MGAT4C: variants seen among roughly 807,000 people sequenced by gnomAD.
The protein encoded by MGAT4C is MGAT4 family member C.
Under a neutral mutation model 40.1 loss-of-function variants are expected in MGAT4C, and 19 were observed. The ratio of observed to expected loss-of-function variants is 0.47; its 90% CI spans 0.33 to 0.70. MGAT4C has a LOEUF of 0.70. Among genes scored for constraint, MGAT4C ranks in the 30% least tolerant of loss-of-function variants. The probability of loss-of-function intolerance (pLI) is 0.02; values close to 1 mark genes in which losing one functional copy is unlikely to be tolerated. For missense variants in MGAT4C, 491 were observed against 563.2 expected (o/e 0.87, Z 1.30); for synonymous variants, 181 against 187.1 (o/e 0.97, Z 0.27).
intron 2 of MGAT4C, among the ~76,000 whole-genome samples, chr12:86,520,534 A>G (rs114212709): frequency 0.023 from 3,516 of 152,264 alleles, 120 homozygotes; most frequent in African/African-American, 0.08. Context: ...TGCAATGAAC[A>G]TATGTGTGCA....
intron 1 of MGAT4C, among the ~76,000 whole-genome samples, chr12:86,243,642 G>A (rs75990784): frequency 6.6e-6 from 1 of 152,248 alleles, no homozygotes; most frequent in East Asian, 1.9e-4. Flanking sequence ...GATTCTGAGG[G>A]TGGTATCCTA....
intron 1 of MGAT4C, among the ~76,000 whole-genome samples, chr12:86,178,342 A>G (rs1301994412): frequency 6.6e-6 from 1 of 152,192 alleles, no homozygotes; most frequent in South Asian, 2.1e-4. Flanking sequence ...TTAAGTTGAT[A>G]ATTTGCATAG....
intron 1 of MGAT4C, among the ~76,000 whole-genome samples, chr12:86,110,828 T>C (rs893936731): frequency 5.9e-5 from 9 of 151,788 alleles, no homozygotes; most frequent in Middle Eastern, 6.8e-3. Context: ...TACATACTAA[T>C]ATTAATTTAT....
intron 2 of MGAT4C, among the ~76,000 whole-genome samples, chr12:86,467,295 A>C (rs1161666152): frequency 6.6e-6 from 1 of 152,136 alleles, no homozygotes; most frequent in Non-Finnish European, 1.5e-5. Context: ...GGACCCAGAG[A>C]AAGAAATATT....
intron 1 of MGAT4C, among the ~76,000 whole-genome samples, chr12:86,799,658 C>T (rs754536764): frequency 6.6e-6 from 1 of 151,734 alleles, no homozygotes; most frequent in Non-Finnish European, 1.5e-5. Context: ...TTTTTATGGC[C>T]TTCAATGTTT....
In MGAT4C at chr12:85,959,136, T is replaced by C. The variant is rs1161558913; in HGVS notation, c.*20153A>G. On this transcript the variant is annotated 3_prime_UTR_variant, in exon 5 of 5. Coordinates refer to ENST00000611864, the MANE Select transcript of MGAT4C (RefSeq NM_001351288.2). ...TATTTTACCTTCAAGTTCTACCTGA[T>C]AAAGTGGTGGAATAAAGATGGTATT... is the stretch of plus-strand genomic sequence containing the variant. 1 of 152,086 alleles carries C rather than the reference T, an allele frequency of 6.6e-6. No homozygotes were observed. The highest frequency in any genetic ancestry group is 1.5e-5 in the Non-Finnish European group (1 of 67,980). 9.4% of individuals were successfully genotyped at this position (152,086 alleles called of 1,614,324 possible). A position where few individuals can be genotyped will look rare whatever the true frequency, so the allele number is the denominator to read the frequency against.
chr12:86,206,602 C>CT (rs1950264202), intron 1 of MGAT4C, among the ~76,000 whole-genome samples: 1 of 152,076 alleles, frequency 6.6e-6, no homozygotes, highest in Admixed American at 6.6e-5. Context: ...CCTCTTTGAG[C>CT]TTTTTTGCTC....
At chr12:86,015,550 A>T (rs1365054041) in intron 2 of MGAT4C, 1 of 152,240 alleles carries the variant, frequency 6.6e-6, no homozygotes, top group Non-Finnish European at 1.5e-5. Flanking sequence ...TGGCTGGAAG[A>T]AGCACATTGC....
At chr12:86,837,034 A>G (rs1048633172) in intron 1 of MGAT4C, among the ~76,000 whole-genome samples, 5 of 152,112 alleles carry the variant, frequency 3.3e-5, no homozygotes, top group African/African-American at 1.2e-4. Context: ...TAAAACTCTA[A>G]GACATTCAGG....
intron 1 of MGAT4C, among the ~76,000 whole-genome samples, chr12:86,058,645 A>AGCC (rs1565921389): frequency 6.6e-6 from 1 of 152,112 alleles, no homozygotes; most frequent in East Asian, 1.9e-4. Flanking sequence ...AAGGCAACAT[A>AGCC]TATATGTCTT....
chr12:85,998,920 T>C (rs1029357134), intron 2 of MGAT4C, among the ~76,000 whole-genome samples: 7 of 152,188 alleles, frequency 4.6e-5, no homozygotes, highest in African/African-American at 1.7e-4. Flanking sequence ...ACTCTACTGC[T>C]ACCAATTTAC....
intron 1 of MGAT4C, among the ~76,000 whole-genome samples, chr12:86,772,850 TC>T (rs1279573708): frequency 2.0e-5 from 3 of 152,178 alleles, no homozygotes; most frequent in Non-Finnish European, 4.4e-5. Context: ...TTTCACAAGT[TC>T]ACAGCTGGAG....
chr12:86,425,318 G>T (rs557713770), intron 3 of MGAT4C, among the ~76,000 whole-genome samples: 2 of 152,236 alleles, frequency 1.3e-5, no homozygotes, highest in East Asian at 3.9e-4. Flanking sequence ...ATCATGGGGG[G>T]TGTTTACCTC....
chr12:86,057,618 C>A (rs1450260984), intron 1 of MGAT4C, among the ~76,000 whole-genome samples: 1 of 152,074 alleles, frequency 6.6e-6, no homozygotes, highest in Admixed American at 6.6e-5. Flanking sequence ...CAATATTGGT[C>A]TCTCTCTCTT....
At chr12:86,376,811 A>T (rs1955832146) in intron 3 of MGAT4C, among the ~76,000 whole-genome samples, 1 of 75,586 alleles carries the variant, frequency 1.3e-5, no homozygotes, top group Admixed American at 1.6e-4. Flanking sequence ...AGACAGAGAG[A>T]GAGAGACAGA....
chr12:86,217,124 AC>A (rs1950702030), intron 1 of MGAT4C, among the ~76,000 whole-genome samples: 1 of 152,146 alleles, frequency 6.6e-6, no homozygotes, highest in South Asian at 2.1e-4. Context: ...TAGCAAAGAA[AC>A]CAAAGGACAG....
At chr12:86,038,551 T>G (rs539636770) in intron 2 of MGAT4C, among the ~76,000 whole-genome samples, 1 of 149,070 alleles carries the variant, frequency 6.7e-6, no homozygotes, top group South Asian at 2.1e-4. Context: ...TTTATTTATT[T>G]ATTTATTTAT....
chr12:86,268,326 CTT>C (rs1333782018), intron 4 of MGAT4C, among the ~76,000 whole-genome samples: 1 of 152,074 alleles, frequency 6.6e-6, no homozygotes, highest in Non-Finnish European at 1.5e-5. Context: ...GTCTCCATCT[CTT>C]TGTTACACAC....
intron 1 of MGAT4C, among the ~76,000 whole-genome samples, chr12:86,751,026 A>G (rs922006395): frequency 2.0e-5 from 3 of 152,010 alleles, no homozygotes; most frequent in African/African-American, 7.2e-5. Flanking sequence ...AGCCTTGCAC[A>G]TCATAAACCA....
Sources: gnomAD v4.1 joint callset for allele counts (sites outside exome capture counted in the v4.1 genomes callset) on GRCh38, gnomAD v4.1.1 for gene constraint, MANE v1.5 for transcripts, NCBI Gene and HGNC (gene_info 2026-07-23, HGNC 2026-07-21) for gene names.